PTPRD: variants seen among roughly 807,000 people sequenced by gnomAD.
PTPRD encodes the protein receptor-type tyrosine-protein phosphatase delta.
A neutral mutation model predicts 214.5 loss-of-function variants in PTPRD; 34 were observed. The observed-to-expected ratio is 0.16, with a 90% CI of 0.12 to 0.21. The LOEUF is 0.21. PTPRD is among the 10% of genes least tolerant of loss of function. The probability of loss-of-function intolerance (pLI) is 1.00; values close to 1 mark genes in which losing one functional copy is unlikely to be tolerated. For missense variants in PTPRD, 2,545 were observed against 2,398.7 expected (o/e 1.06, Z -1.27); for synonymous variants, 1,128 against 845.7 (o/e 1.33, Z -5.79).
chr9:10,204,632 T>C (rs955135022), intron 3 of PTPRD, among the ~76,000 whole-genome samples: 1 of 152,200 alleles, frequency 6.6e-6, no homozygotes, highest in African/African-American at 2.4e-5. Context: ...TGTATAACTA[T>C]GACAAAGGCA....
chr9:9,284,124 G>A (rs903064338), intron 9 of PTPRD, among the ~76,000 whole-genome samples: 2 of 151,550 alleles, frequency 1.3e-5, no homozygotes, highest in Admixed American at 1.3e-4. Context: ...TTAGTCAGAG[G>A]AACTACATAC....
At chr9:10,238,041 T>TTA (rs541404862) in intron 3 of PTPRD, among the ~76,000 whole-genome samples, 100 of 151,394 alleles carry the variant, frequency 6.6e-4, no homozygotes, top group Non-Finnish European at 1.2e-3. Flanking sequence ...CTTTTTTTTT[T>TTA]AAAAATCCTT....
At chr9:10,225,818 G>C (rs1193992192) in intron 3 of PTPRD, among the ~76,000 whole-genome samples, 2 of 152,066 alleles carry the variant, frequency 1.3e-5, no homozygotes, top group African/African-American at 4.8e-5. Flanking sequence ...CAATGAGAAT[G>C]TGTTAAGGTG....
rs1465906346 is a variant in PTPRD, at chr9:10,054,111, TA to T, written c.-544-20322del. Reference sequence around the variant, plus strand: ...CTTTGTTTATTAAACTTTCCAAATATAAAAACTTGTCACCTGTCTACTCTAT... The same window carrying T: ...CTTTGTTTATTAAACTTTCCAAATATAAAACTTGTCACCTGTCTACTCTAT... On this transcript the variant is annotated intron_variant, in intron 3 of 45. Transcript: ENST00000381196. 3.9e-5 allele frequency among the ~76,000 whole-genome samples: 6 copies of T among 152,174 alleles called. No individual in the cohort carries two copies. The East Asian group carries it at 9.7e-4, about 24-fold the overall frequency.
chr9:10,152,898 T>C (rs992840215), intron 3 of PTPRD, among the ~76,000 whole-genome samples: 1 of 152,004 alleles, frequency 6.6e-6, no homozygotes, highest in South Asian at 2.1e-4. Flanking sequence ...TTTTATTTAC[T>C]AAGTGATATA....
intron 5 of PTPRD, among the ~76,000 whole-genome samples, chr9:9,770,730 A>T (rs2098745360): frequency 6.6e-6 from 1 of 152,176 alleles, no homozygotes; most frequent in African/African-American, 2.4e-5. Context: ...AAGTATATTC[A>T]CTGCACAGGT....
intron 9 of PTPRD, among the ~76,000 whole-genome samples, chr9:9,198,023 G>A (rs2099939667): frequency 6.6e-6 from 1 of 152,154 alleles, no homozygotes; most frequent in Admixed American, 6.5e-5. Flanking sequence ...GTGTTATGCA[G>A]TGAAAGAACA....
intron 11 of PTPRD, among the ~76,000 whole-genome samples, chr9:8,970,099 G>C (rs1406974111): frequency 6.6e-6 from 1 of 151,846 alleles, no homozygotes; most frequent in Non-Finnish European, 1.5e-5. Flanking sequence ...ATGTGGAGTT[G>C]CCATGTGTTC....
At chr9:8,365,570 A>G (rs1315702902) in intron 39 of PTPRD, among the ~76,000 whole-genome samples, 1 of 152,146 alleles carries the variant, frequency 6.6e-6, no homozygotes, top group African/African-American at 2.4e-5. Context: ...CATGGAGAGC[A>G]GAGTTCCACC....
At chr9:8,955,522 C>G (rs188824411) in intron 11 of PTPRD, among the ~76,000 whole-genome samples, 17 of 151,824 alleles carry the variant, frequency 1.1e-4, no homozygotes, top group Non-Finnish European at 8.8e-5. Flanking sequence ...AGTGCCCTTT[C>G]CTGAGTTCCC....
At chr9:9,143,276 T>C (rs1303617115) in intron 10 of PTPRD, among the ~76,000 whole-genome samples, 2 of 152,216 alleles carry the variant, frequency 1.3e-5, no homozygotes, top group East Asian at 1.9e-4. Context: ...ATTTGATACA[T>C]AGAAAATGAA....
intron 6 of PTPRD, among the ~76,000 whole-genome samples, chr9:9,749,773 T>G (rs1370954024): frequency 1.3e-5 from 2 of 152,104 alleles, no homozygotes; most frequent in Non-Finnish European, 2.9e-5. Context: ...AAGTTAGGAG[T>G]ATAGTTATTA....
intron 11 of PTPRD, among the ~76,000 whole-genome samples, chr9:8,991,374 C>T (rs2099366038): frequency 6.6e-6 from 1 of 151,992 alleles, no homozygotes; most frequent in Non-Finnish European, 1.5e-5. Flanking sequence ...CAGCTGTGAC[C>T]CTTGTAATGG....
intron 9 of PTPRD, among the ~76,000 whole-genome samples, chr9:9,343,987 T>G (rs1269418948): frequency 1.3e-5 from 2 of 152,156 alleles, no homozygotes; most frequent in Non-Finnish European, 2.9e-5. Flanking sequence ...CTAACTGAGC[T>G]TGCACACATT....
At chr9:8,678,878 G>C (rs2097492822) in intron 12 of PTPRD, among the ~76,000 whole-genome samples, 1 of 152,190 alleles carries the variant, frequency 6.6e-6, no homozygotes, top group Non-Finnish European at 1.5e-5. Flanking sequence ...GTAGTAGAAA[G>C]GGTGATTTAA....
intron 5 of PTPRD, among the ~76,000 whole-genome samples, chr9:9,895,782 G>C (rs1204078670): frequency 6.6e-6 from 1 of 152,070 alleles, no homozygotes; most frequent in Non-Finnish European, 1.5e-5. Flanking sequence ...CTAAATTTCA[G>C]TTTAGTGCTC....
chr9:9,204,326 G>C (rs1432318050), intron 9 of PTPRD, among the ~76,000 whole-genome samples: 1 of 152,150 alleles, frequency 6.6e-6, no homozygotes, highest in East Asian at 1.9e-4. Flanking sequence ...TTTATATAAA[G>C]TTACTAATTT....
intron 2 of PTPRD, among the ~76,000 whole-genome samples, chr9:10,425,590 A>T (rs559022194): frequency 4.6e-5 from 7 of 152,096 alleles, no homozygotes; most frequent in Admixed American, 1.3e-4. Flanking sequence ...ACTCATTTCA[A>T]ACAAAATGCT....
intron 14 of PTPRD, among the ~76,000 whole-genome samples, chr9:8,619,250 A>G (rs141610526): frequency 3.5e-4 from 53 of 152,102 alleles, no homozygotes; most frequent in African/African-American, 1.2e-3. Flanking sequence ...AGAATACAAA[A>G]CATTATGAAC....
Sources: gnomAD v4.1 joint callset for allele counts (sites outside exome capture counted in the v4.1 genomes callset) on GRCh38, gnomAD v4.1.1 for gene constraint, MANE v1.5 for transcripts, NCBI Gene and HGNC (gene_info 2026-07-23, HGNC 2026-07-21) for gene names.